Variants in SLC10A7 observed in about 807,000 individuals in gnomAD.
The protein encoded by SLC10A7 is solute carrier family 10 member 7.
Under a neutral mutation model 43.2 loss-of-function variants are expected in SLC10A7, and 29 were observed. The observed-to-expected ratio is 0.67, with a 90% CI of 0.50 to 0.92. The LOEUF is 0.92. SLC10A7 is among the 40% of genes least tolerant of loss of function. The pLI is 0.00. For missense variants in SLC10A7, 295 were observed against 403.2 expected (o/e 0.73, Z 2.30); for synonymous variants, 152 against 144.8 (o/e 1.05, Z -0.35).
intron 3 of SLC10A7, among the ~76,000 whole-genome samples, chr4:146,505,235 A>T (rs905199859): frequency 2.6e-5 from 4 of 152,236 alleles, no homozygotes; most frequent in African/African-American, 9.6e-5. Flanking sequence ...TAGCCTACTC[A>T]ATGTGAAGAT....
intron 7 of SLC10A7, 143 bp from the exon 8 acceptor site, chr4:146,294,238 C>T (rs1730632531): frequency 3.5e-6 from 2 of 564,338 alleles, no homozygotes; most frequent in Non-Finnish European, 6.0e-6. Context: ...CAAAGCTTCC[C>T]TGCCACACTA....
At position 146,403,733 on chromosome 4, in the gene SLC10A7, G is replaced by A. The variant is rs147439342; in HGVS notation, c.435+39050C>T. The stretch of plus-strand genomic sequence containing the variant: ...TTGTGAAATCTGGAGTTATTAAGAC[G>A]TTAAGTTTAAATCTTGACTTTGCCA... On this transcript the variant is annotated intron_variant, in intron 5 of 11. Transcript: ENST00000335472. Among the ~76,000 whole-genome samples the A allele has an allele frequency of 4.2e-3, 636 of 152,186 alleles. 3 individuals are homozygous for A. Among genetic ancestry groups the A allele is most frequent in the African/African-American group, 0.014 (583 of 41,542 alleles).
chr4:146,284,199 T>A (rs1489416978), intron 9 of SLC10A7, among the ~76,000 whole-genome samples: 1 of 152,200 alleles, frequency 6.6e-6, no homozygotes, highest in Non-Finnish European at 1.5e-5. Flanking sequence ...GTCTATTCAT[T>A]CCCTGCTCTG....
intron 4 of SLC10A7, among the ~76,000 whole-genome samples, chr4:146,472,375 T>C (rs944581801): frequency 6.6e-5 from 10 of 152,120 alleles, no homozygotes; most frequent in African/African-American, 2.4e-4. Context: ...TGTCTATACT[T>C]AGAGTGAAAT....
chr4:146,477,614 T>C (rs1369968577), intron 4 of SLC10A7, among the ~76,000 whole-genome samples: 3 of 152,216 alleles, frequency 2.0e-5, no homozygotes, highest in Non-Finnish European at 4.4e-5. Context: ...CAAGAATTTT[T>C]AATTAGCATT....
intron 5 of SLC10A7, among the ~76,000 whole-genome samples, chr4:146,396,929 G>A (rs919044021): frequency 6.6e-6 from 1 of 151,870 alleles, no homozygotes; most frequent in Non-Finnish European, 1.5e-5. Flanking sequence ...AAAGAAAGAA[G>A]AGAATTAAGT....
chr4:146,379,959 C>CTCTCTCTG (rs1737493241), intron 5 of SLC10A7, among the ~76,000 whole-genome samples: 1 of 80,346 alleles, frequency 1.2e-5, no homozygotes, highest in African/African-American at 5.0e-5. Context: ...CTCTCTCTCT[C>CTCTCTCTG]TGTGTGTGTG....
intron 5 of SLC10A7, among the ~76,000 whole-genome samples, chr4:146,395,233 A>T (rs1392500290): frequency 6.6e-6 from 1 of 152,138 alleles, no homozygotes; most frequent in Non-Finnish European, 1.5e-5. Flanking sequence ...AATTTAACTT[A>T]GCCAGGCAAT....
At chr4:146,375,697 C>A (rs1296557690) in intron 5 of SLC10A7, among the ~76,000 whole-genome samples, 1 of 152,080 alleles carries the variant, frequency 6.6e-6, no homozygotes, top group Non-Finnish European at 1.5e-5. Flanking sequence ...AAGAAAAACC[C>A]TAGTGTTTTT....
At chr4:146,290,822 T>G (rs906587900) in intron 9 of SLC10A7, among the ~76,000 whole-genome samples, 12 of 152,270 alleles carry the variant, frequency 7.9e-5, no homozygotes, top group Admixed American at 2.6e-4. Context: ...ATGGCATCAC[T>G]GCATTCCAGC....
chr4:146,260,631 G>A (rs1359752816), intron 10 of SLC10A7, among the ~76,000 whole-genome samples: 1 of 152,170 alleles, frequency 6.6e-6, no homozygotes, highest in Non-Finnish European at 1.5e-5. Context: ...AAGTTCTATT[G>A]ATGAGGAAAC....
intron 4 of SLC10A7, among the ~76,000 whole-genome samples, chr4:146,473,638 AT>A (rs1733780031): frequency 6.6e-6 from 1 of 152,166 alleles, no homozygotes; most frequent in African/African-American, 2.4e-5. Flanking sequence ...TTTTAGAAGT[AT>A]TCTAAATAAT....
At chr4:146,348,300 C>A (rs60862748) in intron 5 of SLC10A7, among the ~76,000 whole-genome samples, 8,611 of 152,236 alleles carry the variant, frequency 0.057, 356 homozygotes, top group South Asian at 0.18. Context: ...GAAGAAAATG[C>A]AATCTAAGAT....
intron 5 of SLC10A7, among the ~76,000 whole-genome samples, chr4:146,426,005 C>T (rs1027502021): frequency 2.0e-5 from 3 of 152,178 alleles, no homozygotes; most frequent in African/African-American, 7.2e-5. Flanking sequence ...AGCCAAGTGT[C>T]TAAAGGTCTC....
chr4:146,507,121 T>C (rs1736988650), intron 3 of SLC10A7, among the ~76,000 whole-genome samples: 2 of 152,334 alleles, frequency 1.3e-5, no homozygotes, highest in East Asian at 1.9e-4. Context: ...TGCTGTACAA[T>C]AGATCTTCAG....
chr4:146,420,678 GT>G (rs1055736359), intron 5 of SLC10A7, among the ~76,000 whole-genome samples: 6 of 151,736 alleles, frequency 4.0e-5, no homozygotes, highest in East Asian at 1.9e-4. Flanking sequence ...TGTTGCTGTT[GT>G]TTTTTTTAGG....
chr4:146,324,487 C>A (rs1732969103), intron 6 of SLC10A7, among the ~76,000 whole-genome samples: 2 of 152,184 alleles, frequency 1.3e-5, no homozygotes, highest in Admixed American at 1.3e-4. Flanking sequence ...CTCCCCCGCT[C>A]TTCTTAAATG....
intron 5 of SLC10A7, among the ~76,000 whole-genome samples, chr4:146,347,207 G>A (rs1446766588): frequency 5.3e-5 from 8 of 152,074 alleles, no homozygotes; most frequent in Admixed American, 2.6e-4. Context: ...AAGTGTGTTC[G>A]TGGTGCTTAG....
chr4:146,521,936 T>C lies in SLC10A7; in HGVS notation c.-219A>G, dbSNP rs1013698722. On this transcript the variant is annotated 5_prime_UTR_variant, in exon 1 of 12. Coordinates refer to ENST00000335472, the MANE Select transcript of SLC10A7 (RefSeq NM_001029998.6). ...GTAGCCAGTGACAGGAAAGTCTCAC[T>C]GAGCGCCGCCATCACTACCACGCGC... 1 of 480,878 alleles carries C rather than the reference T, an allele frequency of 2.1e-6. No homozygotes were observed. Among genetic ancestry groups the C allele is most frequent in the Non-Finnish European group, 3.7e-6 (1 of 269,584 alleles). 29.8% of individuals were successfully genotyped at this position (480,878 alleles called of 1,614,324 possible).
Sources: allele counts gnomAD v4.1 joint callset (sites outside exome capture counted in the v4.1 genomes callset), GRCh38; gene constraint gnomAD v4.1.1; transcripts MANE v1.5; gene names NCBI Gene and HGNC (gene_info 2026-07-23, HGNC 2026-07-21).